The following KIAA2012 variants were observed in gnomAD, a reference collection of about 807,000 sequenced individuals.
The protein encoded by KIAA2012 is uncharacterized protein KIAA2012.
In KIAA2012, 125 loss-of-function variants were observed where a neutral mutation model predicts 150.6. That is an observed-to-expected ratio of 0.83 (90% CI 0.72 to 0.96). The LOEUF is 0.96. Ranked by LOEUF, KIAA2012 falls within the 40% of genes least tolerant of loss-of-function variation. The probability of loss-of-function intolerance (pLI) is 0.00; values close to 1 mark genes in which losing one functional copy is unlikely to be tolerated. For missense variants in KIAA2012, 1,219 were observed against 1,354.9 expected (o/e 0.90, Z 1.57); for synonymous variants, 462 against 504.7 (o/e 0.92, Z 1.13).
chr2:202,202,698 C>A, intron 23 of KIAA2012, 111 bp downstream of exon 23: 1 of 390,324 alleles, frequency 2.6e-6, no homozygotes, highest in Non-Finnish European at 4.5e-6. Flanking sequence ...GAGGCTGAGG[C>A]GGGAGGCTTG....
intron 13 of KIAA2012, among the ~76,000 whole-genome samples, chr2:202,139,057 T>C (rs1383197505): frequency 6.6e-6 from 1 of 151,838 alleles, no homozygotes; most frequent in Admixed American, 6.6e-5. Context: ...GCCAACGTGG[T>C]GAAACCAACC....
intron 11 of KIAA2012, among the ~76,000 whole-genome samples, chr2:202,117,307 T>C (rs994087983): frequency 6.6e-6 from 1 of 152,234 alleles, no homozygotes; most frequent in African/African-American, 2.4e-5. Flanking sequence ...TCCCAGCTGG[T>C]CTGAAAACAC....
At chr2:202,155,036 G>T (rs1209953402) in intron 14 of KIAA2012, among the ~76,000 whole-genome samples, 1 of 152,116 alleles carries the variant, frequency 6.6e-6, no homozygotes, top group African/African-American at 2.4e-5. Context: ...TGGTTTGGGT[G>T]GTGGGGGACA....
chr2:202,159,391 A>C (rs540543384), intron 14 of KIAA2012, among the ~76,000 whole-genome samples: 27 of 152,106 alleles, frequency 1.8e-4, no homozygotes, highest in African/African-American at 6.3e-4. Flanking sequence ...AAAAAAAAAA[A>C]AACAGAATTA....
At chr2:202,179,319 C>A in intron 15 of KIAA2012, 1 of 1,192,656 alleles carries the variant, frequency 8.4e-7, no homozygotes, top group Non-Finnish European at 1.2e-6. Context: ...TACGGCTTTT[C>A]GCTGACTACA....
intron 13 of KIAA2012, among the ~76,000 whole-genome samples, chr2:202,143,742 T>C (rs1691246471): frequency 1.3e-5 from 2 of 152,212 alleles, no homozygotes. Context: ...TTATCATTGG[T>C]TTAAAATATT....
At chr2:202,099,012 C>G (rs912858635) in intron 5 of KIAA2012, among the ~76,000 whole-genome samples, 1 of 151,790 alleles carries the variant, frequency 6.6e-6, no homozygotes, top group African/African-American at 2.4e-5. Flanking sequence ...GGGAGGGACA[C>G]GATCTTGCTC....
chr2:202,095,957 GCC>G (rs1405348658), intron 4 of KIAA2012, among the ~76,000 whole-genome samples: 2 of 152,096 alleles, frequency 1.3e-5, no homozygotes, highest in Non-Finnish European at 2.9e-5. Flanking sequence ...GGTGGTGCAT[GCC>G]TATAATCCCA....
At chr2:202,083,661 G>A (rs889207496) in intron 2 of KIAA2012, among the ~76,000 whole-genome samples, 2 of 150,886 alleles carry the variant, frequency 1.3e-5, no homozygotes, top group Non-Finnish European at 3.0e-5. Flanking sequence ...CAACGTCTGA[G>A]TAGTTAGGAA....
At chr2:202,116,631 T>C (rs1242443572) in intron 11 of KIAA2012, 2 of 152,046 alleles carry the variant, frequency 1.3e-5, no homozygotes, top group African/African-American at 4.8e-5. Context: ...TGTTGTTATT[T>C]GTCATTTAAT....
chr2:202,171,029 A>G (rs1365450137), intron 15 of KIAA2012, among the ~76,000 whole-genome samples: 4 of 152,140 alleles, frequency 2.6e-5, no homozygotes, highest in African/African-American at 9.7e-5. Context: ...TTAATGCTGG[A>G]TGTTAACAGC....
Position 202,203,068 on chromosome 2 carries a change from T to C in KIAA2012, c.*20+481T>C, listed in dbSNP as rs114493481. 3.4e-3 allele frequency among the ~76,000 whole-genome samples: 513 copies of C among 152,282 alleles called. 3 individuals carry two copies. The highest frequency in any genetic ancestry group is 0.012 in the African/African-American group (481 of 41,550). On this transcript the variant is annotated intron_variant, in intron 23 of 23. Coordinates refer to ENST00000498697, the MANE Select transcript of KIAA2012 (RefSeq NM_001277372.4). The stretch of plus-strand genomic sequence containing the variant: ...CTCCTCCACAACTCACACATTTTGT[T>C]CAACCCAACTGAACTCTTCATTCAC...
intron 15 of KIAA2012, among the ~76,000 whole-genome samples, chr2:202,169,830 C>A (rs767019200): frequency 1.3e-5 from 2 of 152,204 alleles, no homozygotes; most frequent in Admixed American, 1.3e-4. Context: ...GATTCCTTTA[C>A]CAGCTGTGCC....
intron 13 of KIAA2012, among the ~76,000 whole-genome samples, chr2:202,147,916 G>A (rs565784793): frequency 3.9e-5 from 6 of 152,192 alleles, no homozygotes; most frequent in Admixed American, 3.9e-4. Flanking sequence ...GCACAGTTCC[G>A]GCCTGAATAC....
intron 15 of KIAA2012, among the ~76,000 whole-genome samples, chr2:202,180,564 C>T (rs1312512821): frequency 6.6e-6 from 1 of 152,178 alleles, no homozygotes; most frequent in Non-Finnish European, 1.5e-5. Context: ...GTGGTTCACA[C>T]CTGTAATCCC....
rs759579499 is a variant in KIAA2012 at position 202,100,449 on chromosome 2, G to T, written c.1155G>T (p.Lys385Asn). 8 of 1,550,090 alleles carry T rather than the reference G, an allele frequency of 5.2e-6. No individual in the cohort carries two copies. Among genetic ancestry groups the T allele is most frequent in the Non-Finnish European group, 6.1e-6 (7 of 1,146,696 alleles). The change falls in exon 7 of 24, where the codon AAG (lysine) becomes AAT (asparagine). Residue 385 changes from lysine (K) to asparagine (N), a missense_variant and splice_region_variant. Transcript: ENST00000498697. ...IITPGEVKKK[K>N]APKALKLPPI... ...CCCCTGGGGAAGTGAAGAAGAAAAA[G>T]GTTGTGTGTATATGTATGTTTGTGC...
chr2:202,194,382 C>A lies in KIAA2012; in HGVS notation c.3187+20C>A. 6.5e-7 allele frequency: 1 copy of A among 1,548,568 alleles called. No homozygotes were observed. Among genetic ancestry groups the A allele is most frequent in the South Asian group, 1.2e-5 (1 of 83,924 alleles). ...GGGCCGGTGAGGGGGTTCTTGAGCTCTTTGCATCTCTCTTCTACTTGGGGC... is the reference window on the plus strand; with the variant it reads ...GGGCCGGTGAGGGGGTTCTTGAGCTATTTGCATCTCTCTTCTACTTGGGGC... On this transcript the variant is annotated intron_variant, in intron 21 of 23. Coordinates refer to ENST00000498697, the MANE Select transcript of KIAA2012 (RefSeq NM_001277372.4).
chr2:202,193,461 AGGAGCT>A lies in KIAA2012; in HGVS notation c.2984_2989del (p.Leu995_Glu996del), dbSNP rs1421116280. On this transcript the variant is annotated inframe_deletion, in exon 20 of 24. Coordinates refer to ENST00000498697, the MANE Select transcript of KIAA2012 (RefSeq NM_001277372.4). ...CTGGAGAGAGCAAAAAAGATGGAGG[AGGAGCT>A]GGAGCTGGAGCAGCAGAGACGTACA... 1 of 1,550,274 alleles carries A rather than the reference AGGAGCT, an allele frequency of 6.5e-7. No homozygotes were observed. The highest frequency in any genetic ancestry group is 2.0e-5 in the Admixed American group (1 of 50,996).
intron 4 of KIAA2012, among the ~76,000 whole-genome samples, chr2:202,096,244 A>G (rs1345287143): frequency 6.6e-6 from 1 of 152,218 alleles, no homozygotes; most frequent in Non-Finnish European, 1.5e-5. Flanking sequence ...TCATTCCAGA[A>G]TATCCCCAAA....
Sources: allele counts gnomAD v4.1 joint callset (sites outside exome capture counted in the v4.1 genomes callset), GRCh38; gene constraint gnomAD v4.1.1; transcripts MANE v1.5; gene names NCBI Gene and HGNC (gene_info 2026-07-23, HGNC 2026-07-21).